USP37: variants seen among roughly 807,000 people sequenced by gnomAD.
USP37 encodes the protein ubiquitin specific peptidase 37.
Under a neutral mutation model 124.0 loss-of-function variants are expected in USP37, and 27 were observed. That is an observed-to-expected ratio of 0.22 (90% CI 0.16 to 0.30). The LOEUF is 0.30. USP37 is among the 10% of genes least tolerant of loss of function. The pLI is 1.00. For synonymous variants in USP37, 365 were observed against 388.0 expected, an observed-to-expected ratio of 0.94 and a Z score of 0.70; for missense variants, 889 against 1,140.4, an observed-to-expected ratio of 0.78 and a Z score of 3.17.
intron 10 of USP37, among the ~76,000 whole-genome samples, chr2:218,512,982 C>T (rs138958691): frequency 2.5e-4 from 38 of 152,064 alleles, no homozygotes; most frequent in African/African-American, 8.4e-4. Flanking sequence ...TTTTATGATG[C>T]ATTTACTATT....
chr2:218,505,756 G>A (rs1056739807), intron 11 of USP37, among the ~76,000 whole-genome samples: 23 of 152,232 alleles, frequency 1.5e-4, no homozygotes, highest in African/African-American at 5.5e-4. Context: ...ACTAAGATAT[G>A]TCTTGATTAT....
chr2:218,517,316 T>C (rs1028115226), intron 10 of USP37, among the ~76,000 whole-genome samples: 2 of 152,242 alleles, frequency 1.3e-5, no homozygotes, highest in Non-Finnish European at 1.5e-5. Context: ...AGACAGCATA[T>C]TAACTTTTTG....
intron 20 of USP37, among the ~76,000 whole-genome samples, chr2:218,469,863 C>T (rs1392072416): frequency 1.4e-5 from 2 of 138,888 alleles, no homozygotes; most frequent in Non-Finnish European, 3.0e-5. Flanking sequence ...CTCTGTCGCC[C>T]AGGCTGGAGT....
At chr2:218,455,093 A>G in intron 25 of USP37, 76 bp from the exon 26 acceptor site, 1 of 1,562,882 alleles carries the variant, frequency 6.4e-7, no homozygotes, top group Non-Finnish European at 8.7e-7. Flanking sequence ...AGAAAAAGTA[A>G]AATAAAATTG....
At chr2:218,504,909 T>C (rs890479936) in intron 11 of USP37, among the ~76,000 whole-genome samples, 4 of 152,164 alleles carry the variant, frequency 2.6e-5, no homozygotes, top group African/African-American at 9.7e-5. Context: ...ATGGTATCCT[T>C]TGACTCACAC....
rs1574882790 is a variant in USP37, at chr2:218,495,733, GGAAATCAT to G, written c.1472+19_1472+26del. 3 of 1,569,710 alleles carry G rather than the reference GGAAATCAT, an allele frequency of 1.9e-6. No homozygotes were observed. Among genetic ancestry groups the G allele is most frequent in the Non-Finnish European group, 2.6e-6 (3 of 1,161,432 alleles). ...TCACTTGCCATAAAGAAGTAAAAAG[GGAAATCAT>G]TTCTTAGACACTACTTACGCTTTAC... On this transcript the variant is annotated intron_variant, in intron 14 of 25. Transcript: ENST00000258399.
Position 218,474,896 on chromosome 2 carries a change from G to A in USP37, c.2044-11C>T. On this transcript the variant is annotated splice_polypyrimidine_tract_variant and intron_variant, in intron 19 of 25. Coordinates refer to ENST00000258399, the MANE Select transcript of USP37 (RefSeq NM_020935.3). ...GCATAATTTTGAATCCTGAAGAAGA[G>A]AGTTACTTTTAGAAGAAACCAGAAT... 2.5e-6 allele frequency: 4 copies of A among 1,601,398 alleles called. No individual in the cohort carries two copies. The highest frequency in any genetic ancestry group is 3.4e-6 in the Non-Finnish European group (4 of 1,174,498).
intron 10 of USP37, among the ~76,000 whole-genome samples, chr2:218,516,232 G>A (rs971693607): frequency 4.0e-5 from 6 of 149,704 alleles, no homozygotes. Flanking sequence ...AAAGACACAT[G>A]CACACATAAG....
At chr2:218,490,335 C>T (rs149737632) in intron 14 of USP37, among the ~76,000 whole-genome samples, 1 of 152,204 alleles carries the variant, frequency 6.6e-6, no homozygotes, top group East Asian at 1.9e-4. Flanking sequence ...AGTGAGACTC[C>T]AACTCTAAAT....
chr2:218,544,120 C>T (rs1692161136), intron 8 of USP37, among the ~76,000 whole-genome samples: 2 of 151,976 alleles, frequency 1.3e-5, no homozygotes, highest in Non-Finnish European at 2.9e-5. Flanking sequence ...TGGCTCATGC[C>T]TATAATCCCA....
Position 218,553,562 on chromosome 2 carries a change from G to A in USP37, c.319C>T (p.Leu107Phe), listed in dbSNP as rs145899366. 2 of 1,612,698 alleles carry A rather than the reference G, an allele frequency of 1.2e-6. No homozygotes were observed. The highest frequency in any genetic ancestry group is 1.7e-6 in the Non-Finnish European group (2 of 1,179,282). Residue 107 changes from leucine to phenylalanine, a missense_variant, in exon 5 of 26, where the codon CTT (leucine) becomes TTT (phenylalanine). Leu to Phe is a conservative substitution (Grantham distance 22). Around this residue, in one of 3 missense-constraint regions of USP37, gnomAD observed 374 missense variants for 386.0 expected, o/e 0.97. Transcript: ENST00000258399. The stretch of plus-strand genomic sequence containing the variant: ...GGTGATTAGTACTCACCTGCAGGAA[G>A]TCTGTTTTGATGGACTGCATCTAGA... ...LFLDAVHQNR[L>F]PAAMKPSQGS...
At chr2:218,482,010 G>T in intron 17 of USP37, 60 bp downstream of exon 17, 1 of 1,486,752 alleles carries the variant, frequency 6.7e-7, no homozygotes, top group Middle Eastern at 1.8e-4. Context: ...CTTTTGATTA[G>T]ATACTAAAGC....
chr2:218,544,481 CTGCT>C (rs1319490796), intron 8 of USP37, among the ~76,000 whole-genome samples: 5 of 135,952 alleles, frequency 3.7e-5, no homozygotes, highest in Non-Finnish European at 7.6e-5. Context: ...TTTCTCAAGC[CTGCT>C]TGTTTTACCT....
intron 14 of USP37, among the ~76,000 whole-genome samples, chr2:218,493,215 T>A (rs1293082681): frequency 6.6e-6 from 1 of 152,170 alleles, no homozygotes; most frequent in Non-Finnish European, 1.5e-5. Flanking sequence ...GTGTGTGGAA[T>A]CTTCCTTCAG....
Position 218,455,611 on chromosome 2 carries a change from G to A in USP37, c.2821C>T (p.Arg941Trp), listed in dbSNP as rs1689656842. The stretch of plus-strand genomic sequence containing the variant: ...ATATAAAAGAAGATGTAGCCACTCC[G>A]ATCTCGATCACTCTGCACGGCAGCC... ...QEAAVQSDRD[R>W]SGYIFFYMHK... The change falls in exon 25 of 26, where the codon CGG becomes TGG. Residue 941 changes from arginine (R) to tryptophan (W), a missense_variant. By Grantham distance (101) the Arg-to-Trp change is moderately radical. Transcript: ENST00000258399. 5.6e-6 allele frequency: 9 copies of A among 1,613,798 alleles called. No individual in the cohort carries two copies. Among genetic ancestry groups the A allele is most frequent in the Non-Finnish European group, 6.8e-6 (8 of 1,179,934 alleles).
chr2:218,490,322 C>G (rs1267801421), intron 14 of USP37, among the ~76,000 whole-genome samples: 1 of 152,184 alleles, frequency 6.6e-6, no homozygotes, highest in African/African-American at 2.4e-5. Context: ...GCCTGGGAAA[C>G]AGAGTGAGAC....
At chr2:218,510,908 CTGAT>C (rs1689948681) in intron 10 of USP37, among the ~76,000 whole-genome samples, 1 of 151,872 alleles carries the variant, frequency 6.6e-6, no homozygotes, top group South Asian at 2.1e-4. Context: ...GGTGGGCAGA[CTGAT>C]TGAGCCTGGG....
chr2:218,536,598 T>C (rs1290781903), intron 8 of USP37, among the ~76,000 whole-genome samples: 4 of 152,234 alleles, frequency 2.6e-5, no homozygotes, highest in African/African-American at 9.6e-5. Flanking sequence ...TTCATGTCCT[T>C]GTGTGACTTC....
rs1472775068 is a variant in USP37 at position 218,451,085 on chromosome 2, TTAA to T, written c.*3842_*3844del. 3.9e-5 allele frequency: 6 copies of T among 152,188 alleles called. No individual in the cohort carries two copies. The highest frequency in any genetic ancestry group is 2.0e-4 in the Admixed American group (3 of 15,258). The allele number at this position is 152,188 out of a possible 1,614,324, so 9.4% of individuals were successfully genotyped here. A position where few individuals can be genotyped will look rare whatever the true frequency, so the allele number is the denominator to read the frequency against. On this transcript the variant is annotated 3_prime_UTR_variant, in exon 26 of 26. Coordinates refer to ENST00000258399, the MANE Select transcript of USP37 (RefSeq NM_020935.3). ...TAAAAAATATATATTTTTTCAGATG[TTAA>T]TAAGACATATCAGTAGAGACAAAAT...
Sources: gnomAD v4.1 joint callset for allele counts (sites outside exome capture counted in the v4.1 genomes callset) on GRCh38, gnomAD v4.1.1 for gene constraint, gnomAD v4.1.1 regional missense constraint, MANE v1.5 for transcripts, NCBI Gene and HGNC (gene_info 2026-07-23, HGNC 2026-07-21) for gene names.